Variants in AOPEP observed in about 807,000 individuals in gnomAD.
The protein encoded by AOPEP is aminopeptidase O (putative).
A neutral mutation model predicts 98.1 loss-of-function variants in AOPEP; 77 were observed. That is an observed-to-expected ratio of 0.78 (90% CI 0.65 to 0.95). The LOEUF (loss-of-function observed/expected upper bound fraction) is 0.95, where lower values mean the gene tolerates loss of function less well. Among genes scored for constraint, AOPEP ranks in the 40% least tolerant of loss-of-function variants. The pLI, the probability that AOPEP is intolerant of heterozygous loss-of-function variation, is 0.00. For missense variants in AOPEP, 1,024 were observed against 1,024.7 expected (o/e 1.00, Z 0.01); for synonymous variants, 346 against 365.3 (o/e 0.95, Z 0.60).
intron 5 of AOPEP, among the ~76,000 whole-genome samples, chr9:94,873,616 A>G (rs1365249050): frequency 6.6e-6 from 1 of 152,220 alleles, no homozygotes; most frequent in African/African-American, 2.4e-5. Context: ...TGGTTTATTC[A>G]TGAGAAATTA....
rs573078056 is a variant in AOPEP at position 94,773,005 on chromosome 9, A to G, written c.801A>G (p.Pro267=). The change falls in exon 3 of 17, where the codon CCA becomes CCG. Residue 267 remains proline, a synonymous_variant. Transcript: ENST00000375315. ...VTWTSDQSGR[P]CVYTVGSPIN... is the part of the protein sequence containing the mutation. ...TTTCTTTGTCTCTCTTCTGCAGGCC[A>G]TGTGTTTATACTGTGGGATCTCCCA... The G allele has an allele frequency of 6.3e-7, 1 of 1,598,152 alleles. No homozygotes were observed. Among genetic ancestry groups the G allele is most frequent in the Admixed American group, 1.7e-5 (1 of 57,484 alleles).
chr9:95,084,887 A>G (rs2070416438), intron 16 of AOPEP, among the ~76,000 whole-genome samples: 2 of 152,208 alleles, frequency 1.3e-5, no homozygotes, highest in African/African-American at 4.8e-5. Flanking sequence ...CAGGGCAGCT[A>G]GAATCTGCCT....
chr9:94,782,727 C>T (rs1160130287), intron 3 of AOPEP, among the ~76,000 whole-genome samples: 1 of 152,212 alleles, frequency 6.6e-6, no homozygotes, highest in Non-Finnish European at 1.5e-5. Context: ...CTTTATTCCA[C>T]GCCAGTACAC....
At chr9:94,893,355 A>G (rs908645224) in intron 5 of AOPEP, among the ~76,000 whole-genome samples, 1 of 152,156 alleles carries the variant, frequency 6.6e-6, no homozygotes, top group Non-Finnish European at 1.5e-5. Flanking sequence ...GGCATGCAGA[A>G]TGAGTCTAGT....
At chr9:94,905,302 T>C (rs1355273205) in intron 5 of AOPEP, among the ~76,000 whole-genome samples, 2 of 152,216 alleles carry the variant, frequency 1.3e-5, no homozygotes, top group Non-Finnish European at 2.9e-5. Flanking sequence ...TCAATAATCT[T>C]TCAGTAAAAT....
chr9:94,827,539 T>A (rs1854912286), intron 5 of AOPEP, among the ~76,000 whole-genome samples: 1 of 152,338 alleles, frequency 6.6e-6, no homozygotes, highest in African/African-American at 2.4e-5. Flanking sequence ...ATAGACTGTC[T>A]TTTCTTCCTA....
At chr9:95,018,630 A>C (rs2063200632) in intron 13 of AOPEP, among the ~76,000 whole-genome samples, 1 of 152,198 alleles carries the variant, frequency 6.6e-6, no homozygotes, top group Non-Finnish European at 1.5e-5. Flanking sequence ...TTTCAAAATC[A>C]TCTGTTCTTA....
chr9:95,008,807 A>G (rs2062250712), intron 13 of AOPEP, among the ~76,000 whole-genome samples: 1 of 152,126 alleles, frequency 6.6e-6, no homozygotes, highest in African/African-American at 2.4e-5. Flanking sequence ...ATTCTGTCTC[A>G]TGCGTCTTTT....
chr9:95,135,200 C>T, the AOPEP span: 1 of 840,770 alleles, frequency 1.2e-6, no homozygotes, highest in South Asian at 1.5e-5. Flanking sequence ...TTAGTGATTT[C>T]AAAAATAAAA....
Position 94,760,148 on chromosome 9 carries a change from C to T in AOPEP, c.365C>T (p.Ala122Val), listed in dbSNP as rs1327623675. 2 of 1,614,156 alleles carry T rather than the reference C, an allele frequency of 1.2e-6. No individual in the cohort carries two copies. The highest frequency in any genetic ancestry group is 1.3e-5 in the African/African-American group (1 of 75,016). The change falls in exon 2 of 17, where the codon GCT (alanine) becomes GTT (valine). Residue 122 changes from alanine to valine, a missense_variant. This residue lies in a region of AOPEP where 440 missense variants were observed against 433.8 expected (regional missense o/e 1.01). Coordinates refer to ENST00000375315, the MANE Select transcript of AOPEP (RefSeq NM_001193329.3). The stretch of plus-strand genomic sequence containing the variant: ...GGTAACCATGACAACCAGGAACATG[C>T]TTCTGGGATTTCTAGCTCAAAGTAC... ...KDGNHDNQEHASGISSSKYCC... is the reference protein window; with the variant it reads ...KDGNHDNQEHVSGISSSKYCC...
the AOPEP span, chr9:95,111,360 C>T: frequency 3.8e-6 from 6 of 1,597,908 alleles, no homozygotes; most frequent in Non-Finnish European, 5.1e-6. Context: ...GGGCAGAGCT[C>T]AGGTGTCATG....
At chr9:94,777,478 C>A (rs1842381856) in intron 3 of AOPEP, among the ~76,000 whole-genome samples, 1 of 151,374 alleles carries the variant, frequency 6.6e-6, no homozygotes, top group Non-Finnish European at 1.5e-5. Flanking sequence ...TAATGTAAAT[C>A]TCTACTGCTG....
chr9:94,751,875 G>A (rs1477589306), intron 1 of AOPEP, among the ~76,000 whole-genome samples: 1 of 146,378 alleles, frequency 6.8e-6, no homozygotes, highest in Non-Finnish European at 1.5e-5. Context: ...TGTGAACAGA[G>A]TACCCATGAA....
intron 3 of AOPEP, among the ~76,000 whole-genome samples, chr9:94,775,955 G>T (rs935597843): frequency 6.6e-6 from 1 of 151,564 alleles, no homozygotes; most frequent in African/African-American, 2.4e-5. Flanking sequence ...CTCCAGCCTG[G>T]GTGACAGAGT....
chr9:94,979,205 T>G (rs2060028048), intron 10 of AOPEP, among the ~76,000 whole-genome samples, 162 bp from the exon 11 acceptor site: 1 of 151,994 alleles, frequency 6.6e-6, no homozygotes, highest in Non-Finnish European at 1.5e-5. Flanking sequence ...GTGACTGGGC[T>G]CCCTTCCACA....
At chr9:95,036,698 TC>T (rs1167082625) in intron 13 of AOPEP, among the ~76,000 whole-genome samples, 1 of 67,572 alleles carries the variant, frequency 1.5e-5, no homozygotes, top group East Asian at 3.3e-4. Flanking sequence ...TCTTTCTTCT[TC>T]TTCTTTTTTT....
At chr9:95,098,468 G>A in the AOPEP span, among the ~76,000 whole-genome samples, 1 of 152,186 alleles carries the variant, frequency 6.6e-6, no homozygotes, top group Non-Finnish European at 1.5e-5. Context: ...CCTCAGGAGT[G>A]TCTTAGCATT....
the AOPEP span, among the ~76,000 whole-genome samples, chr9:95,102,673 C>T: frequency 6.6e-6 from 1 of 152,330 alleles, no homozygotes; most frequent in East Asian, 1.9e-4. Context: ...TGAACAACTG[C>T]CTTGGTTTTC....
intron 7 of AOPEP, chr9:94,932,232 T>G (rs1240439574): frequency 1.0e-6 from 1 of 986,072 alleles, no homozygotes. Context: ...TCCAAGCATC[T>G]TTTTTCTTTT....
Sources: gnomAD v4.1 joint callset for allele counts (sites outside exome capture counted in the v4.1 genomes callset) on GRCh38, gnomAD v4.1.1 for gene constraint, gnomAD v4.1.1 regional missense constraint, MANE v1.5 for transcripts, NCBI Gene and HGNC (gene_info 2026-07-23, HGNC 2026-07-21) for gene names.